The following LRRC7 variants were observed in gnomAD, a reference collection of about 807,000 sequenced individuals.
LRRC7 encodes the protein leucine-rich repeat-containing protein 7.
LRRC7 carries 23 observed loss-of-function variants against 175.7 expected under a neutral mutation model. The observed-to-expected ratio is 0.13, with a 90% confidence interval of 0.09 to 0.19. The LOEUF is 0.19. Among genes scored for constraint, LRRC7 ranks in the 10% least tolerant of loss-of-function variants. The probability of loss-of-function intolerance (pLI) is 1.00; values close to 1 mark genes in which losing one functional copy is unlikely to be tolerated. For synonymous variants in LRRC7, 685 were observed against 680.9 expected, an observed-to-expected ratio of 1.01 and a Z score of -0.09; for missense variants, 1,354 against 1,904.7, an observed-to-expected ratio of 0.71 and a Z score of 5.38.
chr1:69,777,667 A>G (rs1045358393), intron 3 of LRRC7, among the ~76,000 whole-genome samples: 3 of 152,180 alleles, frequency 2.0e-5, no homozygotes, highest in Non-Finnish European at 4.4e-5. Flanking sequence ...CAAGACAGTC[A>G]TCATTTACTC....
At chr1:69,979,357 G>A (rs1278085183) in intron 8 of LRRC7, among the ~76,000 whole-genome samples, 1 of 152,212 alleles carries the variant, frequency 6.6e-6, no homozygotes, top group African/African-American at 2.4e-5. Context: ...TTTGATGTTG[G>A]CAGCAATAGC....
chr1:69,707,782 T>A (rs1178088037), intron 2 of LRRC7, among the ~76,000 whole-genome samples: 2 of 152,110 alleles, frequency 1.3e-5, no homozygotes, highest in African/African-American at 4.8e-5. Context: ...TAGAGACTTG[T>A]GAGGAAGCAG....
chr1:69,946,519 G>C (rs1649330675), intron 8 of LRRC7, among the ~76,000 whole-genome samples: 1 of 151,950 alleles, frequency 6.6e-6, no homozygotes, highest in Non-Finnish European at 1.5e-5. Context: ...TACTCATATT[G>C]TGTTGCTTTC....
intron 3 of LRRC7, among the ~76,000 whole-genome samples, chr1:69,789,923 T>C (rs1188061942): frequency 6.6e-6 from 1 of 152,056 alleles, no homozygotes; most frequent in African/African-American, 2.4e-5. Flanking sequence ...ACAAACAACG[T>C]CTTACATTTT....
At chr1:69,858,246 C>A (rs1053863096) in intron 7 of LRRC7, among the ~76,000 whole-genome samples, 7 of 152,140 alleles carry the variant, frequency 4.6e-5, no homozygotes, top group East Asian at 3.9e-4. Context: ...GCAACAAAAG[C>A]CAAAATTGAC....
At chr1:69,782,948 G>T (rs952315144) in intron 3 of LRRC7, among the ~76,000 whole-genome samples, 2 of 152,120 alleles carry the variant, frequency 1.3e-5, no homozygotes, top group Non-Finnish European at 2.9e-5. Context: ...GCAACTAAAA[G>T]GTTAACTCAA....
intron 7 of LRRC7, among the ~76,000 whole-genome samples, chr1:69,844,746 T>G (rs1054948490): frequency 1.3e-5 from 2 of 152,122 alleles, no homozygotes; most frequent in Non-Finnish European, 2.9e-5. Flanking sequence ...TTTTAAATTT[T>G]TTTAGGAAAC....
intron 1 of LRRC7, among the ~76,000 whole-genome samples, chr1:69,612,732 A>G (rs1648966341): frequency 6.6e-6 from 1 of 152,098 alleles, no homozygotes; most frequent in Non-Finnish European, 1.5e-5. Context: ...GTTTTGACTT[A>G]ATTTTGTAAC....
chr1:69,901,155 C>T (rs115241463), intron 7 of LRRC7, among the ~76,000 whole-genome samples: 5,739 of 152,204 alleles, frequency 0.038, 150 homozygotes, highest in Non-Finnish European at 0.057. Flanking sequence ...AAAGTGGAGG[C>T]AGGCAGACTA....
intron 8 of LRRC7, among the ~76,000 whole-genome samples, chr1:69,950,003 A>G (rs886593598): frequency 2.7e-5 from 4 of 150,378 alleles, no homozygotes; most frequent in African/African-American, 9.9e-5. Flanking sequence ...TTTTCTGTCC[A>G]CTAGCAGCAG....
At chr1:69,608,858 CTCTCTCTCTATATATATATA>C (rs1162545498) in intron 1 of LRRC7, among the ~76,000 whole-genome samples, 47 of 25,900 alleles carry the variant, frequency 1.8e-3, no homozygotes, top group African/African-American at 4.7e-3. Context: ...CTCTCTCTCT[CTCTCTCTCTATATATATATA>C]TATATATATA....
chr1:70,060,106 C>T (rs1661460904), intron 23 of LRRC7, among the ~76,000 whole-genome samples: 1 of 152,002 alleles, frequency 6.6e-6, no homozygotes, highest in African/African-American at 2.4e-5. Context: ...TCACTTGAGG[C>T]CAGGAGTTTG....
intron 8 of LRRC7, among the ~76,000 whole-genome samples, chr1:69,940,566 G>GTAAA (rs1486937540): frequency 6.6e-6 from 1 of 152,014 alleles, no homozygotes. Flanking sequence ...TGGAACCAGA[G>GTAAA]TAAAGCATAT....
Position 70,138,379 on chromosome 1 carries a change from T to C in LRRC7, c.*16492T>C, listed in dbSNP as rs1010659578. 6.6e-6 allele frequency: 1 copy of C among 152,200 alleles called. No homozygotes were observed. Among genetic ancestry groups the C allele is most frequent in the Admixed American group, 6.5e-5 (1 of 15,280 alleles). 9.4% of individuals were successfully genotyped at this position (152,200 alleles called of 1,614,324 possible). ...GATCAGTTCTGTAAAGCATAATGCC[T>C]ACTACACAGACATCATTATTCTACT... On this transcript the variant is annotated 3_prime_UTR_variant, in exon 27 of 27. Coordinates refer to ENST00000651989, the MANE Select transcript of LRRC7 (RefSeq NM_001370785.2).
intron 1 of LRRC7, among the ~76,000 whole-genome samples, chr1:69,670,897 T>C (rs1054759806): frequency 6.6e-6 from 1 of 152,110 alleles, no homozygotes; most frequent in Non-Finnish European, 1.5e-5. Context: ...TGGGACTCAC[T>C]ATTCGGGGCA....
intron 7 of LRRC7, chr1:69,873,858 T>C (rs1685794020): frequency 6.5e-6 from 1 of 154,090 alleles, no homozygotes; most frequent in Non-Finnish European, 1.4e-5. Flanking sequence ...TCTAATTGAT[T>C]TCACTATTTG....
At chr1:69,997,117 C>G (rs1170655458) in intron 11 of LRRC7, among the ~76,000 whole-genome samples, 6 of 152,090 alleles carry the variant, frequency 3.9e-5, no homozygotes, top group Non-Finnish European at 8.8e-5. Context: ...TCCTTCACAT[C>G]CCTTGTGAGT....
At chr1:69,840,807 A>G (rs1681635718) in intron 7 of LRRC7, among the ~76,000 whole-genome samples, 1 of 152,130 alleles carries the variant, frequency 6.6e-6, no homozygotes, top group African/African-American at 2.4e-5. Flanking sequence ...AATAGAATAC[A>G]GTGAACTTCT....
At chr1:69,584,857 G>A (rs1230056925) in intron 1 of LRRC7, among the ~76,000 whole-genome samples, 3 of 151,940 alleles carry the variant, frequency 2.0e-5, no homozygotes, top group Admixed American at 6.6e-5. Context: ...ACTAGAAAAG[G>A]CCTTGTTTCC....
Sources: gnomAD v4.1 joint callset for allele counts (sites outside exome capture counted in the v4.1 genomes callset) on GRCh38, gnomAD v4.1.1 for gene constraint, MANE v1.5 for transcripts, NCBI Gene and HGNC (gene_info 2026-07-23, HGNC 2026-07-21) for gene names.